The following ANKRD22 variants were observed in gnomAD, a reference collection of about 807,000 sequenced individuals.
ANKRD22 encodes ankyrin repeat domain-containing protein 22.
Under a neutral mutation model 25.7 loss-of-function variants are expected in ANKRD22, and 24 were observed. That is an observed-to-expected ratio of 0.93 (90% CI 0.68 to 1.31). The LOEUF is 1.31. Ranked by LOEUF, ANKRD22 falls within the 50% of genes most tolerant of loss-of-function variation. ANKRD22 has a pLI of 0.00. For synonymous variants in ANKRD22, 84 were observed against 84.3 expected (o/e 1.00, Z 0.02); for missense variants, 214 against 227.1 (o/e 0.94, Z 0.37).
chr10:88,823,057 G>C, intron 5 of ANKRD22, 39 bp from the exon 6 acceptor site: 1 of 1,582,018 alleles, frequency 6.3e-7, no homozygotes, highest in Non-Finnish European at 8.7e-7. Flanking sequence ...CCAATAGAGT[G>C]CCCAAGATCT....
chr10:88,820,911 C>T lies in ANKRD22; in HGVS notation c.*2030G>A, dbSNP rs541429136. On this transcript the variant is annotated 3_prime_UTR_variant, in exon 6 of 6. Transcript: ENST00000371930. The stretch of plus-strand genomic sequence containing the variant: ...GTTGACTTTGACAAAATAAGCTAGA[C>T]ATTTTCACCTTGTTGCCACAGAGAC... 1.3e-5 allele frequency among the ~76,000 whole-genome samples: 2 copies of T among 152,260 alleles called. No individual in the cohort carries two copies. Among genetic ancestry groups the T allele is most frequent in the Admixed American group, 6.5e-5 (1 of 15,296 alleles).
chr10:88,822,949 C>T lies in ANKRD22; in HGVS notation c.568G>A (p.Ala190Thr), dbSNP rs898034090. ...FSQIELMLRK[A>T]L ...CGGTGTGGTCACAAGGATTACAATG[C>T]TTTCCTTAGCATTAATTCAATCTGG... The change falls in exon 6 of 6, where the codon GCA becomes ACA. Residue 190 changes from alanine (A) to threonine (T), a missense_variant. Coordinates refer to ENST00000371930, the MANE Select transcript of ANKRD22 (RefSeq NM_144590.3). 31 of 1,610,146 alleles carry T rather than the reference C, an allele frequency of 1.9e-5. No homozygotes were observed. The highest frequency in any genetic ancestry group is 2.6e-5 in the Non-Finnish European group (31 of 1,176,566).
chr10:88,845,311 C>CAATG (rs977625260), intron 1 of ANKRD22, among the ~76,000 whole-genome samples: 2 of 152,102 alleles, frequency 1.3e-5, no homozygotes, highest in African/African-American at 4.8e-5. Context: ...TACCTTCCTA[C>CAATG]AATGACCTGG....
rs140950275 is a variant in ANKRD22 at position 88,823,278 on chromosome 10, A to G, written c.498+2T>C. ...CTCAGACCACGGTCCACCCTCCCTTACCTTATTCTTTATTGTGGGGTCTGC... is the reference window on the plus strand; with the variant it reads ...CTCAGACCACGGTCCACCCTCCCTTGCCTTATTCTTTATTGTGGGGTCTGC... On this transcript the variant is annotated splice_donor_variant, in intron 5 of 5. Coordinates refer to ENST00000371930, the MANE Select transcript of ANKRD22 (RefSeq NM_144590.3). LOFTEE classifies it high-confidence loss of function. The G allele has an allele frequency of 6.2e-7, 1 of 1,609,584 alleles. No individual in the cohort carries two copies. The highest frequency in any genetic ancestry group is 8.5e-7 in the Non-Finnish European group (1 of 1,176,022).
In ANKRD22 at chr10:88,828,557, A is replaced by G; in HGVS notation, c.321+2T>C. On this transcript the variant is annotated splice_donor_variant, in intron 3 of 5. Transcript: ENST00000371930. LOFTEE classifies it high-confidence loss of function. The stretch of plus-strand genomic sequence containing the variant: ...CCTTTGCTCTACAAGTGTTGTACTC[A>G]CCATGAGGAAATACCCAATAAGCAG... The G allele has an allele frequency of 6.3e-7, 1 of 1,590,430 alleles. No homozygotes were observed. Among genetic ancestry groups the G allele is most frequent in the East Asian group, 2.2e-5 (1 of 44,730 alleles).
intron 1 of ANKRD22, among the ~76,000 whole-genome samples, chr10:88,847,357 C>A (rs990156064): frequency 2.6e-5 from 4 of 152,138 alleles, no homozygotes; most frequent in African/African-American, 9.7e-5. Flanking sequence ...CTCCCAGGTT[C>A]AAGCAATTTT....
intron 3 of ANKRD22, among the ~76,000 whole-genome samples, chr10:88,826,716 T>C (rs537148281): frequency 6.6e-6 from 1 of 152,282 alleles, no homozygotes; most frequent in African/African-American, 2.4e-5. Context: ...CTAAGAAGCT[T>C]TCCCTGACCC....
At chr10:88,847,754 C>G (rs964360273) in intron 1 of ANKRD22, among the ~76,000 whole-genome samples, 4 of 150,794 alleles carry the variant, frequency 2.7e-5, no homozygotes, top group African/African-American at 4.9e-5. Context: ...AAAAGCAAAA[C>G]AAAAACAAAA....
intron 2 of ANKRD22, among the ~76,000 whole-genome samples, chr10:88,830,492 G>A (rs1417719113): frequency 1.3e-5 from 2 of 152,146 alleles, no homozygotes; most frequent in African/African-American, 4.8e-5. Flanking sequence ...TTTCAGACAT[G>A]AGAAATCACA....
chr10:88,826,122 C>A lies in ANKRD22; in HGVS notation c.322-7G>T. On this transcript the variant is annotated splice_polypyrimidine_tract_variant and splice_region_variant and intron_variant, in intron 3 of 5. Coordinates refer to ENST00000371930, the MANE Select transcript of ANKRD22 (RefSeq NM_144590.3). The stretch of plus-strand genomic sequence containing the variant: ...TCTGCTTTGTCTTTGATACCTATTA[C>A]AAATGGTAATTATAAGAAAGGCTTA... 1 of 1,597,988 alleles carries A rather than the reference C, an allele frequency of 6.3e-7. No homozygotes were observed. The highest frequency in any genetic ancestry group is 1.7e-5 in the Admixed American group (1 of 58,174).
intron 1 of ANKRD22, among the ~76,000 whole-genome samples, chr10:88,843,162 C>A (rs1261292126): frequency 6.6e-6 from 1 of 152,110 alleles, no homozygotes; most frequent in Non-Finnish European, 1.5e-5. Flanking sequence ...AAAGCTTCTT[C>A]TCTTGCCTGC....
intron 1 of ANKRD22, among the ~76,000 whole-genome samples, chr10:88,832,702 T>C (rs1022016393): frequency 6.6e-6 from 1 of 152,178 alleles, no homozygotes; most frequent in Non-Finnish European, 1.5e-5. Flanking sequence ...ACAAATTATA[T>C]GGTTAACTAC....
chr10:88,835,307 G>C (rs2133075774), intron 1 of ANKRD22, among the ~76,000 whole-genome samples: 1 of 152,230 alleles, frequency 6.6e-6, no homozygotes, highest in Non-Finnish European at 1.5e-5. Context: ...CTAGATCCAA[G>C]ACACAGAGTT....
Position 88,820,385 on chromosome 10 carries a change from C to T in ANKRD22, c.*2556G>A. ...CCATAAGAATATTCCTGAATGGGCTCACGTGGATTTCATCTGGGGTTTGGA... is the reference window on the plus strand; with the variant it reads ...CCATAAGAATATTCCTGAATGGGCTTACGTGGATTTCATCTGGGGTTTGGA... On this transcript the variant is annotated 3_prime_UTR_variant, in exon 6 of 6. Coordinates refer to ENST00000371930, the MANE Select transcript of ANKRD22 (RefSeq NM_144590.3). 6.4e-7 allele frequency: 1 copy of T among 1,552,292 alleles called. No individual in the cohort carries two copies. Among genetic ancestry groups the T allele is most frequent in the Non-Finnish European group, 8.7e-7 (1 of 1,147,128 alleles).
At chr10:88,827,023 T>C (rs768604629) in intron 3 of ANKRD22, among the ~76,000 whole-genome samples, 1 of 152,212 alleles carries the variant, frequency 6.6e-6, no homozygotes, top group Non-Finnish European at 1.5e-5. Context: ...CCCAGTCTCC[T>C]GAGCTTCTGA....
At chr10:88,837,421 T>G (rs1843964245) in intron 1 of ANKRD22, among the ~76,000 whole-genome samples, 2 of 152,130 alleles carry the variant, frequency 1.3e-5, no homozygotes, top group Admixed American at 6.6e-5. Context: ...GGTAGATAAT[T>G]GATCAAAGAG....
rs939504412 is a variant in ANKRD22 at position 88,820,739 on chromosome 10, A to G, written c.*2202T>C. Among the ~76,000 whole-genome samples, 5 of 152,188 alleles carry G rather than the reference A, an allele frequency of 3.3e-5. No individual in the cohort carries two copies. The highest frequency in any genetic ancestry group is 1.3e-4 in the Admixed American group (2 of 15,284). Reference sequence around the variant, plus strand: ...TCTTGAAGGGTAGGTTTTACCTGATAGCCAGAAAATATCTAGACATTCTCT... The same window carrying G: ...TCTTGAAGGGTAGGTTTTACCTGATGGCCAGAAAATATCTAGACATTCTCT... On this transcript the variant is annotated 3_prime_UTR_variant, in exon 6 of 6. Coordinates refer to ENST00000371930, the MANE Select transcript of ANKRD22 (RefSeq NM_144590.3).
At chr10:88,848,172 GTGTATA>G (rs1188130734) in intron 1 of ANKRD22, among the ~76,000 whole-genome samples, 116 of 130,244 alleles carry the variant, frequency 8.9e-4, no homozygotes, top group Non-Finnish European at 1.5e-3. Context: ...ATGTATATAT[GTGTATA>G]TATATATGTA....
intron 1 of ANKRD22, among the ~76,000 whole-genome samples, chr10:88,834,203 T>C (rs765792795): frequency 4.1e-4 from 62 of 152,194 alleles, no homozygotes; most frequent in Non-Finnish European, 7.8e-4. Flanking sequence ...CAAAACTAAA[T>C]GCAACAAGAC....
Sources: allele counts gnomAD v4.1 joint callset (sites outside exome capture counted in the v4.1 genomes callset), GRCh38; gene constraint gnomAD v4.1.1; transcripts MANE v1.5; gene names NCBI Gene and HGNC (gene_info 2026-07-23, HGNC 2026-07-21).